The following MFSD8 variants were observed in gnomAD, a reference collection of about 807,000 sequenced individuals.
MFSD8 encodes the protein major facilitator superfamily domain-containing protein 8.
MFSD8 carries 55 observed loss-of-function variants against 66.4 expected under a neutral mutation model. The ratio of observed to expected loss-of-function variants is 0.83; its 90% CI spans 0.67 to 1.04. MFSD8 has a LOEUF of 1.04. Ranked by LOEUF, MFSD8 falls within the 50% of genes least tolerant of loss-of-function variation. The pLI, the probability that MFSD8 is intolerant of heterozygous loss-of-function variation, is 0.00. For missense variants in MFSD8, 550 were observed against 627.6 expected (o/e 0.88, Z 1.32); for synonymous variants, 202 against 212.8 (o/e 0.95, Z 0.44).
intron 1 of MFSD8, 149 bp downstream of exon 1, chr4:127,964,923 T>C (rs1176210924): frequency 3.3e-6 from 3 of 906,574 alleles, no homozygotes; most frequent in Non-Finnish European, 5.3e-6. Flanking sequence ...GGAGCGAATC[T>C]CCTCGGCTCA....
intron 8 of MFSD8, 36 bp downstream of exon 8, chr4:127,932,949 A>G (rs761870824): frequency 6.5e-7 from 1 of 1,539,586 alleles, no homozygotes; most frequent in Non-Finnish European, 9.0e-7. Context: ...AGGTTAAAAC[A>G]TAATCTGATT....
intron 9 of MFSD8, among the ~76,000 whole-genome samples, chr4:127,926,978 T>C (rs1324922068): frequency 6.6e-6 from 1 of 152,190 alleles, no homozygotes; most frequent in African/African-American, 2.4e-5. Flanking sequence ...AGCCACATGA[T>C]CACAAAGGTA....
intron 9 of MFSD8, among the ~76,000 whole-genome samples, chr4:127,923,567 A>AT (rs1736701940): frequency 6.9e-6 from 1 of 144,176 alleles, no homozygotes; most frequent in Non-Finnish European, 1.5e-5. Context: ...TATTATTATT[A>AT]TTATTATTAT....
At chr4:127,930,540 TATG>T (rs1737948472) in intron 9 of MFSD8, 140 bp downstream of exon 9, 9 of 913,194 alleles carry the variant, frequency 9.9e-6, no homozygotes, top group African/African-American at 1.7e-5. Flanking sequence ...TGTATAGAAA[TATG>T]ATAATCTCTT....
chr4:127,936,709 T>C (rs977841096), intron 7 of MFSD8, among the ~76,000 whole-genome samples: 15 of 152,152 alleles, frequency 9.9e-5, no homozygotes, highest in African/African-American at 3.6e-4. Context: ...TTATATTTCT[T>C]TATTAACTCC....
intron 7 of MFSD8, among the ~76,000 whole-genome samples, chr4:127,936,095 G>A (rs1739027779): frequency 6.6e-6 from 1 of 151,870 alleles, no homozygotes; most frequent in African/African-American, 2.4e-5. Context: ...GTTCCATGAA[G>A]TATTTGGATT....
intron 7 of MFSD8, among the ~76,000 whole-genome samples, chr4:127,938,323 C>T (rs1739415403): frequency 6.6e-6 from 1 of 152,076 alleles, no homozygotes; most frequent in South Asian, 2.1e-4. Flanking sequence ...TTTGCTCACG[C>T]CTGTAATCCC....
rs550874406 is a variant in MFSD8, at chr4:127,941,612, C to T, written c.553+433G>A. On this transcript the variant is annotated intron_variant, in intron 5 of 11. Coordinates refer to ENST00000641686, the MANE Select transcript of MFSD8 (RefSeq NM_001371596.2). ...AAGTAGCTGGGATTACAGGTGCCCG[C>T]CACCACACCTGGCTAATTTTTGTAT... 7.9e-5 allele frequency among the ~76,000 whole-genome samples: 12 copies of T among 152,204 alleles called. No homozygotes were observed. The South Asian group carries it at 2.3e-3, about 29-fold the overall frequency.
rs1744780120 is a variant in MFSD8, at chr4:127,964,976, G to A, written c.62+96C>T. The stretch of plus-strand genomic sequence containing the variant: ...CTCCCACCGCGCTGGAACCCCTCTG[G>A]CAGCGAGGGTTTGTCCCAGTGCGGG... On this transcript the variant is annotated intron_variant, in intron 1 of 11. Transcript: ENST00000641686. The A allele has an allele frequency of 1.5e-5, 22 of 1,437,888 alleles. No individual in the cohort carries two copies. In the South Asian group the frequency reaches 2.2e-4, roughly 14 times the overall value. The allele number at this position is 1,437,888 out of a possible 1,614,324, so 89.1% of individuals were successfully genotyped here.
At chr4:127,943,017 G>T (rs182423616) in intron 4 of MFSD8, among the ~76,000 whole-genome samples, 9 of 152,260 alleles carry the variant, frequency 5.9e-5, no homozygotes, top group African/African-American at 2.2e-4. Context: ...AGGAGTTCAA[G>T]ACCAGCCTGG....
chr4:127,958,689 A>G (rs891376577), intron 1 of MFSD8, among the ~76,000 whole-genome samples: 2 of 152,216 alleles, frequency 1.3e-5, no homozygotes, highest in African/African-American at 4.8e-5. Flanking sequence ...CTAGATGCCC[A>G]TACTTTGAAA....
At chr4:127,923,602 CAG>C (rs1398041056) in intron 9 of MFSD8, among the ~76,000 whole-genome samples, 3 of 122,828 alleles carry the variant, frequency 2.4e-5, no homozygotes, top group Non-Finnish European at 3.5e-5. Flanking sequence ...TTATTTGAGA[CAG>C]AGTCTTGCTC....
chr4:127,961,820 C>CAAAAA lies in MFSD8; in HGVS notation c.62+3247_62+3251dup, dbSNP rs4000711. Among the ~76,000 whole-genome samples the CAAAAA allele has an allele frequency of 1.3e-3, 105 of 80,514 alleles. 2 individuals are homozygous for CAAAAA. Among genetic ancestry groups the CAAAAA allele is most frequent in the African/African-American group, 5.7e-3 (98 of 17,276 alleles). The allele number at this position is 80,514 out of a possible 152,430, so 52.8% of individuals were successfully genotyped here. On this transcript the variant is annotated intron_variant, in intron 1 of 11. Coordinates refer to ENST00000641686, the MANE Select transcript of MFSD8 (RefSeq NM_001371596.2). ...TGGGTGACAGAGCGAGACTCCGTCT[C>CAAAAA]AAAAAAAAAAAAAAAAAAAAAGAAT...
rs183762642 is a variant in MFSD8 at position 127,953,719 on chromosome 4, G to A, written c.154+3782C>T. ...AGACTGGTCGCAAACTCCTGACCTC[G>A]TGATCCGCCCGCCTCAGCCTTGCAA... is the stretch of plus-strand genomic sequence containing the variant. On this transcript the variant is annotated intron_variant, in intron 2 of 11. Coordinates refer to ENST00000641686, the MANE Select transcript of MFSD8 (RefSeq NM_001371596.2). 4.9e-3 allele frequency among the ~76,000 whole-genome samples: 736 copies of A among 151,728 alleles called. 14 individuals carry two copies. The highest frequency in any genetic ancestry group is 0.017 in the African/African-American group (710 of 41,418).
rs776272077 is a variant in MFSD8, at chr4:127,933,002, G to T, written c.846C>A (p.Ile282=). 68 of 1,613,006 alleles carry T rather than the reference G, an allele frequency of 4.2e-5. No individual in the cohort carries two copies. The highest frequency in any genetic ancestry group is 5.7e-5 in the Non-Finnish European group (67 of 1,179,320). Residue 282 remains isoleucine, a synonymous_variant, in exon 8 of 12, where the codon ATC becomes ATA. Coordinates refer to ENST00000641686, the MANE Select transcript of MFSD8 (RefSeq NM_001371596.2). ...AAACTTACGTTTCAAAAAGGGCAAA[G>T]ATAAATAGAGTCACAAAAAACAGAA... is the stretch of plus-strand genomic sequence containing the variant. ...INVLFFVTLF[I]FALFETIITP... is the part of the protein sequence containing the mutation.
intron 6 of MFSD8, 93 bp from the exon 7 acceptor site, chr4:127,938,931 C>T (rs1373277717): frequency 1.1e-6 from 1 of 940,196 alleles, no homozygotes; most frequent in Non-Finnish European, 1.6e-6. Flanking sequence ...TTTTCACATT[C>T]TAATATAGTT....
chr4:127,940,425 A>T (rs1739971753), intron 5 of MFSD8, among the ~76,000 whole-genome samples: 1 of 151,480 alleles, frequency 6.6e-6, no homozygotes, highest in South Asian at 2.1e-4. Context: ...AATTTCTTCC[A>T]AAAATTAATT....
intron 3 of MFSD8, among the ~76,000 whole-genome samples, chr4:127,947,205 C>T (rs1372104454): frequency 1.3e-5 from 2 of 152,002 alleles, no homozygotes; most frequent in Non-Finnish European, 2.9e-5. Flanking sequence ...GCCTAGCCAA[C>T]ATGCCGAAAA....
intron 3 of MFSD8, among the ~76,000 whole-genome samples, chr4:127,949,216 A>G (rs1220088429): frequency 1.3e-5 from 2 of 152,226 alleles, no homozygotes; most frequent in African/African-American, 2.4e-5. Flanking sequence ...ACCAACTTAT[A>G]TACTGATTTT....
Sources: allele counts gnomAD v4.1 joint callset (sites outside exome capture counted in the v4.1 genomes callset), GRCh38; gene constraint gnomAD v4.1.1; transcripts MANE v1.5; gene names NCBI Gene and HGNC (gene_info 2026-07-23, HGNC 2026-07-21).